Variants in RANBP2 observed in about 807,000 individuals in gnomAD.
RANBP2 encodes the protein RAN binding protein 2.
A neutral mutation model predicts 303.6 loss-of-function variants in RANBP2; 57 were observed. That is an observed-to-expected ratio of 0.19 (90% CI 0.15 to 0.23). The LOEUF is 0.23. RANBP2 is among the 10% of genes least tolerant of loss of function. RANBP2 has a pLI of 1.00. For missense variants in RANBP2, 3,138 were observed against 3,780.8 expected (o/e 0.83, Z 4.46); for synonymous variants, 1,167 against 1,301.5 (o/e 0.90, Z 2.23).
At chr2:108,873,884 A>G in the RANBP2 span, among the ~76,000 whole-genome samples, 1 of 152,152 alleles carries the variant, frequency 6.6e-6, no homozygotes, top group African/African-American at 2.4e-5. Context: ...ACCTTTCTGA[A>G]TCCCATGCTA....
chr2:109,642,059 C>T, the RANBP2 span, among the ~76,000 whole-genome samples: 2 of 152,188 alleles, frequency 1.3e-5, no homozygotes, highest in East Asian at 1.9e-4. Flanking sequence ...CCACCTTGGC[C>T]TCCCAAAGTG....
chr2:109,362,803 C>G, the RANBP2 span, among the ~76,000 whole-genome samples: 1 of 151,982 alleles, frequency 6.6e-6, no homozygotes, highest in East Asian at 1.9e-4. Flanking sequence ...GGAATTGACC[C>G]CTTCGTCATT....
chr2:109,669,775 G>A, the RANBP2 span, among the ~76,000 whole-genome samples: 3 of 152,020 alleles, frequency 2.0e-5, no homozygotes, highest in African/African-American at 7.2e-5. Flanking sequence ...CCTCCCTCAG[G>A]GCCACAGGAG....
At chr2:108,853,939 TA>T in the RANBP2 span, among the ~76,000 whole-genome samples, 1 of 123,722 alleles carries the variant, frequency 8.1e-6, no homozygotes, top group Non-Finnish European at 1.6e-5. Context: ...ATAATTTATA[TA>T]TAATATACAA....
the RANBP2 span, among the ~76,000 whole-genome samples, chr2:109,325,219 C>T: frequency 6.6e-6 from 1 of 151,852 alleles, no homozygotes; most frequent in African/African-American, 2.4e-5. Flanking sequence ...CTCCAGCTGG[C>T]ATGGCTGGAG....
At chr2:109,045,864 G>A in the RANBP2 span, among the ~76,000 whole-genome samples, 16 of 152,208 alleles carry the variant, frequency 1.1e-4, no homozygotes, top group African/African-American at 2.9e-4. Context: ...TGCTGTATCC[G>A]TCTCCAGTGG....
chr2:109,394,996 G>A, the RANBP2 span, among the ~76,000 whole-genome samples: 5 of 152,376 alleles, frequency 3.3e-5, no homozygotes, highest in African/African-American at 1.2e-4. Flanking sequence ...GGCCGGTGAG[G>A]GTCCTTCTGA....
the RANBP2 span, among the ~76,000 whole-genome samples, chr2:109,456,426 T>C: frequency 1.9e-4 from 29 of 152,354 alleles, no homozygotes; most frequent in East Asian, 5.0e-3. Flanking sequence ...CAGCCTTTTT[T>C]GGAAGGCATA....
the RANBP2 span, among the ~76,000 whole-genome samples, chr2:109,078,111 T>TGGC: frequency 2.3e-5 from 2 of 85,614 alleles, no homozygotes; most frequent in Non-Finnish European, 4.4e-5. Context: ...TATATATATA[T>TGGC]ATATATAGCG....
intron 17 of RANBP2, among the ~76,000 whole-genome samples, chr2:108,755,898 A>G (rs1377752740): frequency 6.6e-6 from 1 of 151,814 alleles, no homozygotes; most frequent in Non-Finnish European, 1.5e-5. Context: ...TAATTTTTGT[A>G]TGTTTAGTAG....
the RANBP2 span, among the ~76,000 whole-genome samples, chr2:108,965,880 C>G: frequency 2.0e-3 from 297 of 152,100 alleles, 1 homozygote; most frequent in South Asian, 7.1e-3. Flanking sequence ...TGTGCTCCCC[C>G]CTCTCCCCCC....
intron 18 of RANBP2, 95 bp from the exon 19 acceptor site, chr2:108,762,006 T>A: frequency 6.6e-7 from 1 of 1,524,668 alleles, no homozygotes; most frequent in Non-Finnish European, 8.8e-7. Flanking sequence ...TTCTTTAATT[T>A]CTATTGCCTT....
chr2:108,895,258 C>CT, the RANBP2 span: 3 of 152,544 alleles, frequency 2.0e-5, no homozygotes, highest in Non-Finnish European at 4.4e-5. Flanking sequence ...AAAGATATGA[C>CT]TGATTTTCCC....
At chr2:109,717,475 A>G in the RANBP2 span, among the ~76,000 whole-genome samples, 2 of 152,066 alleles carry the variant, frequency 1.3e-5, no homozygotes, top group Non-Finnish European at 1.5e-5. Flanking sequence ...CCAGCTACTC[A>G]GGAGGCTGAG....
At chr2:108,897,781 T>A in the RANBP2 span, among the ~76,000 whole-genome samples, 151 of 152,320 alleles carry the variant, frequency 9.9e-4, 1 homozygote, top group African/African-American at 3.4e-3. Flanking sequence ...TTGATATTGC[T>A]GTTTCTGGAA....
chr2:109,549,148 C>A, the RANBP2 span, among the ~76,000 whole-genome samples: 1 of 152,110 alleles, frequency 6.6e-6, no homozygotes, highest in Non-Finnish European at 1.5e-5. Context: ...TCATTCAAAT[C>A]GGTGGCACAA....
chr2:109,607,563 T>C, the RANBP2 span, among the ~76,000 whole-genome samples: 1 of 152,234 alleles, frequency 6.6e-6, no homozygotes, highest in Non-Finnish European at 1.5e-5. Flanking sequence ...TCTTTAGTAC[T>C]GGATTCCTCC....
chr2:108,832,333 T>C, the RANBP2 span, among the ~76,000 whole-genome samples: 6 of 149,788 alleles, frequency 4.0e-5, no homozygotes, highest in African/African-American at 1.5e-4. Flanking sequence ...GGCCAGAATT[T>C]GTATTTCTTT....
chr2:109,501,641 C>T, the RANBP2 span: 9 of 775,692 alleles, frequency 1.2e-5, no homozygotes, highest in African/African-American at 1.5e-4. Flanking sequence ...GCACAGGCCT[C>T]TTCCCGGGCA....
Sources: gnomAD v4.1 joint callset for allele counts (sites outside exome capture counted in the v4.1 genomes callset) on GRCh38, gnomAD v4.1.1 for gene constraint, MANE v1.5 for transcripts, NCBI Gene and HGNC (gene_info 2026-07-23, HGNC 2026-07-21) for gene names.